TXNDC11: variants seen among roughly 807,000 people sequenced by gnomAD.
The protein encoded by TXNDC11 is thioredoxin domain containing 11.
A neutral mutation model predicts 78.0 loss-of-function variants in TXNDC11; 68 were observed. The ratio of observed to expected loss-of-function variants is 0.87; its 90% confidence interval spans 0.72 to 1.07. TXNDC11 has a LOEUF of 1.07. Among genes scored for constraint, TXNDC11 ranks in the 50% least tolerant of loss-of-function variants. The pLI, the probability that TXNDC11 is intolerant of heterozygous loss-of-function variation, is 0.00. For synonymous variants in TXNDC11, 571 were observed against 495.2 expected, an observed-to-expected ratio of 1.15 and a Z score of -2.03; for missense variants, 1,389 against 1,221.8, an observed-to-expected ratio of 1.14 and a Z score of -2.04.
intron 11 of TXNDC11, among the ~76,000 whole-genome samples, chr16:11,682,260 T>C (rs1217401419): frequency 6.6e-6 from 1 of 152,258 alleles, no homozygotes; most frequent in Non-Finnish European, 1.5e-5. Flanking sequence ...ACTTTACTTC[T>C]ACCATTTATT....
intron 3 of TXNDC11, among the ~76,000 whole-genome samples, chr16:11,731,410 G>A (rs2052041455): frequency 6.6e-6 from 1 of 152,180 alleles, no homozygotes; most frequent in Admixed American, 6.5e-5. Context: ...TGGATTCAGT[G>A]CCGCTAAGTG....
At chr16:11,682,866 C>T (rs779930736) in intron 11 of TXNDC11, among the ~76,000 whole-genome samples, 4 of 152,116 alleles carry the variant, frequency 2.6e-5, no homozygotes, top group Non-Finnish European at 5.9e-5. Context: ...CGCAAAAATT[C>T]TTTGAGATAC....
At chr16:11,680,408 CTGA>C (rs2050393231) in intron 11 of TXNDC11, among the ~76,000 whole-genome samples, 1 of 152,232 alleles carries the variant, frequency 6.6e-6, no homozygotes, top group African/African-American at 2.4e-5. Context: ...ACCTGGCAAC[CTGA>C]TAACTGGCAA....
chr16:11,703,779 T>C (rs972096251), intron 5 of TXNDC11: 3 of 699,276 alleles, frequency 4.3e-6, no homozygotes, highest in Admixed American at 2.0e-5. Context: ...AAGATAAGCC[T>C]GAAATATCTT....
At chr16:11,683,366 C>T (rs2141961899) in intron 11 of TXNDC11, among the ~76,000 whole-genome samples, 1 of 152,234 alleles carries the variant, frequency 6.6e-6, no homozygotes, top group African/African-American at 2.4e-5. Flanking sequence ...GGGAGAAAAC[C>T]CCTTTGTAGG....
rs766566898 is a variant in TXNDC11, at chr16:11,687,847, G to A, written c.2153+10C>T. The A allele has an allele frequency of 9.4e-6, 15 of 1,588,916 alleles. No homozygotes were observed. Among genetic ancestry groups the A allele is most frequent in the East Asian group, 2.2e-5 (1 of 44,712 alleles). On this transcript the variant is annotated intron_variant, in intron 10 of 11. Coordinates refer to ENST00000283033, the MANE Select transcript of TXNDC11 (RefSeq NM_015914.7). ...TACAGCCCAAAGCGCTGCAGAAGAG[G>A]CCTGCTTACCTTGCCACAGTGAATG...
chr16:11,715,130 T>C (rs967578270), intron 5 of TXNDC11, among the ~76,000 whole-genome samples: 1 of 152,034 alleles, frequency 6.6e-6, no homozygotes, highest in Non-Finnish European at 1.5e-5. Context: ...CGTGTGCCTG[T>C]AGTCCCAGCT....
intron 5 of TXNDC11, 79 bp downstream of exon 5, chr16:11,721,498 T>C: frequency 1.4e-6 from 1 of 739,120 alleles, no homozygotes; most frequent in Non-Finnish European, 2.3e-6. Flanking sequence ...TTAGAATATA[T>C]ATTCATAATA....
intron 5 of TXNDC11, among the ~76,000 whole-genome samples, chr16:11,707,415 GTTAAATA>G (rs1236676443): frequency 1.3e-5 from 2 of 150,448 alleles, no homozygotes; most frequent in African/African-American, 4.9e-5. Context: ...GATACACTGG[GTTAAATA>G]TTAATTTCAC....
chr16:11,709,714 C>A (rs1300031894), intron 5 of TXNDC11, among the ~76,000 whole-genome samples: 1 of 151,966 alleles, frequency 6.6e-6, no homozygotes, highest in Non-Finnish European at 1.5e-5. Flanking sequence ...GGATTACAGG[C>A]GTGAGCCACC....
intron 1 of TXNDC11, among the ~76,000 whole-genome samples, chr16:11,738,718 T>C (rs2052302246): frequency 6.6e-6 from 1 of 151,014 alleles, no homozygotes; most frequent in Non-Finnish European, 1.5e-5. Flanking sequence ...TTTGGAGAAA[T>C]TACTTTTCTA....
chr16:11,705,429 T>C (rs1046671611), intron 5 of TXNDC11, among the ~76,000 whole-genome samples: 1 of 152,190 alleles, frequency 6.6e-6, no homozygotes, highest in Non-Finnish European at 1.5e-5. Context: ...AGAGAGGACG[T>C]GATTTAGTAG....
At chr16:11,730,826 T>C (rs2052024181) in intron 3 of TXNDC11, 52 bp from the exon 4 acceptor site, 2 of 1,384,008 alleles carry the variant, frequency 1.4e-6, no homozygotes, top group South Asian at 1.6e-5. Context: ...TAATACACCA[T>C]GCATTAAGCC....
intron 5 of TXNDC11, 55 bp from the exon 6 acceptor site, chr16:11,700,619 A>G: frequency 1.2e-6 from 1 of 859,984 alleles, no homozygotes; most frequent in Non-Finnish European, 2.0e-6. Flanking sequence ...TAAAACAACC[A>G]CAAAACCCAG....
chr16:11,697,442 T>C (rs550113859), intron 7 of TXNDC11, among the ~76,000 whole-genome samples: 4 of 152,286 alleles, frequency 2.6e-5, no homozygotes, highest in East Asian at 1.9e-4. Flanking sequence ...CTCTGCATAC[T>C]GTGCCTGCTG....
At chr16:11,682,768 C>T (rs946395220) in intron 11 of TXNDC11, among the ~76,000 whole-genome samples, 1 of 152,182 alleles carries the variant, frequency 6.6e-6, no homozygotes, top group Admixed American at 6.5e-5. Context: ...AAAGCCTCAT[C>T]ACAACTCAGT....
intron 5 of TXNDC11, among the ~76,000 whole-genome samples, chr16:11,718,410 T>G (rs2051606596): frequency 6.6e-6 from 1 of 152,232 alleles, no homozygotes; most frequent in Admixed American, 6.5e-5. Context: ...ATGTTATATG[T>G]GTCAAATGTT....
intron 3 of TXNDC11, 145 bp from the exon 4 acceptor site, chr16:11,730,919 T>C (rs926984699): frequency 2.7e-5 from 16 of 582,390 alleles, no homozygotes; most frequent in Non-Finnish European, 3.9e-5. Context: ...ATCAGTAGCC[T>C]GCTTTGCTCA....
intron 5 of TXNDC11, among the ~76,000 whole-genome samples, chr16:11,709,613 T>C (rs928830108): frequency 2.6e-5 from 4 of 151,444 alleles, no homozygotes; most frequent in African/African-American, 9.7e-5. Context: ...TTTTTTGTAT[T>C]TTTAGTAGAG....
Sources: allele counts gnomAD v4.1 joint callset (sites outside exome capture counted in the v4.1 genomes callset), GRCh38; gene constraint gnomAD v4.1.1; transcripts MANE v1.5; gene names NCBI Gene and HGNC (gene_info 2026-07-23, HGNC 2026-07-21).